FAM184B: variants seen among roughly 807,000 people sequenced by gnomAD.
The protein encoded by FAM184B is family with sequence similarity 184 member B.
A neutral mutation model predicts 135.9 loss-of-function variants in FAM184B; 111 were observed. The observed-to-expected ratio is 0.82, with a 90% confidence interval of 0.70 to 0.96. The LOEUF (loss-of-function observed/expected upper bound fraction) is 0.96. FAM184B is among the 40% of genes least tolerant of loss of function. The pLI, the probability that FAM184B is intolerant of heterozygous loss-of-function variation, is 0.00. For synonymous variants in FAM184B, 552 were observed against 524.8 expected (o/e 1.05, Z -0.71); for missense variants, 1,375 against 1,323.9 (o/e 1.04, Z -0.60).
chr4:17,752,570 C>G (rs1718328170), intron 1 of FAM184B, among the ~76,000 whole-genome samples: 1 of 152,172 alleles, frequency 6.6e-6, no homozygotes, highest in Non-Finnish European at 1.5e-5. Flanking sequence ...AGGCCACATT[C>G]CCTTCTTGCT....
intron 7 of FAM184B, among the ~76,000 whole-genome samples, chr4:17,676,422 T>C (rs1053134445): frequency 3.3e-5 from 5 of 152,174 alleles, no homozygotes; most frequent in Non-Finnish European, 7.3e-5. Flanking sequence ...ATAATAAGAA[T>C]AACAAATTTT....
chr4:17,631,505 T>G lies in FAM184B; in HGVS notation c.*1027A>C, dbSNP rs976609536. 1.3e-5 allele frequency: 2 copies of G among 152,222 alleles called. No homozygotes were observed. Among genetic ancestry groups the G allele is most frequent in the Non-Finnish European group, 2.9e-5 (2 of 68,048 alleles). 9.4% of individuals were successfully genotyped at this position (152,222 alleles called of 1,614,324 possible). A position where few individuals can be genotyped will look rare whatever the true frequency, so the allele number is the denominator to read the frequency against. On this transcript the variant is annotated 3_prime_UTR_variant, in exon 18 of 18. Coordinates refer to ENST00000265018, the MANE Select transcript of FAM184B (RefSeq NM_015688.2). ...TCAAAGAACAGATAATCTAGAGACC[T>G]TCACAAGTGATCATGTTGGCACTAT...
At chr4:17,646,568 C>T (rs570115358) in intron 12 of FAM184B, among the ~76,000 whole-genome samples, 182 of 149,892 alleles carry the variant, frequency 1.2e-3, no homozygotes, top group Middle Eastern at 6.8e-3. Flanking sequence ...CATCACACAC[C>T]GGGGACTGTT....
At chr4:17,648,128 T>G (rs1265990435) in intron 11 of FAM184B, among the ~76,000 whole-genome samples, 1 of 152,090 alleles carries the variant, frequency 6.6e-6, no homozygotes, top group Non-Finnish European at 1.5e-5. Flanking sequence ...AAATTTCAAG[T>G]GGTTCTTCAC....
In FAM184B at chr4:17,732,955, G is replaced by A. The variant is rs545011124; in HGVS notation, c.142-23311C>T. ...ATCCTCAATAAAATACTGGCAAACC[G>A]AATCCAGCAGCACATCAAAAAGCTT... On this transcript the variant is annotated intron_variant, in intron 1 of 17. Coordinates refer to ENST00000265018, the MANE Select transcript of FAM184B (RefSeq NM_015688.2). 2.5e-4 allele frequency among the ~76,000 whole-genome samples: 38 copies of A among 152,068 alleles called. 1 individual carries two copies. The South Asian group carries it at 5.6e-3, about 22-fold the overall frequency.
intron 9 of FAM184B, 127 bp from the exon 10 acceptor site, chr4:17,658,689 G>A: frequency 1.1e-6 from 1 of 920,754 alleles, no homozygotes; most frequent in Non-Finnish European, 1.6e-6. Flanking sequence ...AGACTCTGAA[G>A]GGATGGAAGC....
At chr4:17,665,221 T>A (rs1720643359) in intron 7 of FAM184B, among the ~76,000 whole-genome samples, 2 of 152,192 alleles carry the variant, frequency 1.3e-5, no homozygotes, top group African/African-American at 2.4e-5. Flanking sequence ...TGTCCCATTA[T>A]GTAGAATCAG....
At chr4:17,684,194 AGTT>A (rs1716519984) in intron 7 of FAM184B, among the ~76,000 whole-genome samples, 1 of 139,850 alleles carries the variant, frequency 7.2e-6, no homozygotes, top group South Asian at 2.2e-4. Context: ...TATATAAAAT[AGTT>A]ATATAAAAAA....
chr4:17,671,287 T>C (rs1051922494), intron 7 of FAM184B, among the ~76,000 whole-genome samples: 5 of 152,146 alleles, frequency 3.3e-5, no homozygotes, highest in African/African-American at 1.2e-4. Flanking sequence ...CCAAGTTTTC[T>C]AAGGGGGATG....
In FAM184B at chr4:17,632,112, C is replaced by T. The variant is rs1223742693; in HGVS notation, c.*420G>A. 7.4e-6 allele frequency: 1 copy of T among 135,896 alleles called. No individual in the cohort carries two copies. Among genetic ancestry groups the T allele is most frequent in the Non-Finnish European group, 1.5e-5 (1 of 65,264 alleles). The allele number at this position is 135,896 out of a possible 1,614,324, so 8.4% of individuals were successfully genotyped here. A position where few individuals can be genotyped will look rare whatever the true frequency, so the allele number is the denominator to read the frequency against. ...TGGAGACAGGGTCTCCCTCTGTCAC[C>T]CAGGCTGGTTGGAATGCAGGAGTTC... On this transcript the variant is annotated 3_prime_UTR_variant, in exon 18 of 18. Transcript: ENST00000265018.
intron 12 of FAM184B, among the ~76,000 whole-genome samples, chr4:17,646,830 G>C (rs1019483900): frequency 2.6e-5 from 4 of 152,172 alleles, no homozygotes; most frequent in Non-Finnish European, 5.9e-5. Flanking sequence ...GTTAGGAGGT[G>C]ACTGCCACCC....
At chr4:17,658,269 A>C (rs1577249984) in intron 10 of FAM184B, 81 bp downstream of exon 10, 2 of 1,238,418 alleles carry the variant, frequency 1.6e-6, no homozygotes, top group East Asian at 5.1e-5. Context: ...GATGTCATGT[A>C]GAAAAGGGAC....
intron 1 of FAM184B, among the ~76,000 whole-genome samples, chr4:17,760,421 G>T (rs1334034227): frequency 1.3e-5 from 2 of 150,688 alleles, no homozygotes; most frequent in Non-Finnish European, 2.9e-5. Flanking sequence ...AGTGAGCCAA[G>T]ATCGCACCAC....
intron 1 of FAM184B, among the ~76,000 whole-genome samples, chr4:17,741,288 G>C (rs1718026521): frequency 6.6e-6 from 1 of 152,182 alleles, no homozygotes; most frequent in Non-Finnish European, 1.5e-5. Context: ...TTTTAGACAA[G>C]GTGGTCAAGA....
chr4:17,690,142 C>T (rs543997973), intron 6 of FAM184B, among the ~76,000 whole-genome samples: 19 of 150,928 alleles, frequency 1.3e-4, no homozygotes, highest in Non-Finnish European at 2.1e-4. Flanking sequence ...AACGAGACTC[C>T]GTCTCAAAAA....
At chr4:17,739,555 G>GTTTTGTTTTTTTTTTTTT (rs1553841420) in intron 1 of FAM184B, among the ~76,000 whole-genome samples, 2 of 62,510 alleles carry the variant, frequency 3.2e-5, no homozygotes, top group African/African-American at 6.2e-5. Flanking sequence ...CATACCAACT[G>GTTTTGTTTTTTTTTTTTT]TTTTTTTTTT....
intron 1 of FAM184B, among the ~76,000 whole-genome samples, chr4:17,761,972 T>C (rs1718556234): frequency 6.6e-6 from 1 of 152,206 alleles, no homozygotes; most frequent in African/African-American, 2.4e-5. Context: ...CTCTGAGGGA[T>C]CTCAGGCGCT....
At chr4:17,777,497 A>C (rs1718950616) in intron 1 of FAM184B, among the ~76,000 whole-genome samples, 1 of 152,238 alleles carries the variant, frequency 6.6e-6, no homozygotes, top group Non-Finnish European at 1.5e-5. Context: ...AAATATTAAA[A>C]AAACTGTTAA....
At chr4:17,707,104 A>G (rs1717137901) in intron 3 of FAM184B, among the ~76,000 whole-genome samples, 1 of 151,644 alleles carries the variant, frequency 6.6e-6, no homozygotes, top group Admixed American at 6.6e-5. Flanking sequence ...TAATTTTTTA[A>G]TTTTTATTTT....
Sources: gnomAD v4.1 joint callset for allele counts (sites outside exome capture counted in the v4.1 genomes callset) on GRCh38, gnomAD v4.1.1 for gene constraint, MANE v1.5 for transcripts, NCBI Gene and HGNC (gene_info 2026-07-23, HGNC 2026-07-21) for gene names.